CDKAL1: variants seen among roughly 807,000 people sequenced by gnomAD.
CDKAL1 encodes the protein CDKAL1 threonylcarbamoyladenosine tRNA methylthiotransferase.
CDKAL1 carries 32 observed loss-of-function variants against 68.2 expected under a neutral mutation model. That is an observed-to-expected ratio of 0.47 (90% CI 0.35 to 0.63). The LOEUF is 0.63. Ranked by LOEUF, CDKAL1 falls within the 30% of genes least tolerant of loss-of-function variation. CDKAL1 has a pLI of 0.00. For synonymous variants in CDKAL1, 234 were observed against 244.3 expected (o/e 0.96, Z 0.39); for missense variants, 606 against 696.7 (o/e 0.87, Z 1.47).
intron 4 of CDKAL1, among the ~76,000 whole-genome samples, chr6:20,619,798 G>A (rs1767094529): frequency 6.6e-6 from 1 of 152,112 alleles, no homozygotes; most frequent in Admixed American, 6.5e-5. Context: ...GCACTTGTTT[G>A]TGAATTCACT....
intron 4 of CDKAL1, among the ~76,000 whole-genome samples, chr6:20,598,899 T>C (rs896615723): frequency 6.6e-6 from 1 of 152,138 alleles, no homozygotes; most frequent in Admixed American, 6.5e-5. Flanking sequence ...TAATGCTTTT[T>C]AGTCGGCCTA....
At chr6:21,117,009 G>A (rs1347940762) in intron 13 of CDKAL1, among the ~76,000 whole-genome samples, 1 of 151,986 alleles carries the variant, frequency 6.6e-6, no homozygotes, top group African/African-American at 2.4e-5. Flanking sequence ...AGTTGCCCTG[G>A]GTATGTCCCT....
At chr6:21,049,920 A>G (rs1311385653) in intron 11 of CDKAL1, among the ~76,000 whole-genome samples, 1 of 151,614 alleles carries the variant, frequency 6.6e-6, no homozygotes, top group Non-Finnish European at 1.5e-5. Flanking sequence ...TAATAGTTGG[A>G]GTTTGTTGCA....
chr6:20,863,790 G>A (rs1759767424), intron 9 of CDKAL1, among the ~76,000 whole-genome samples: 1 of 152,178 alleles, frequency 6.6e-6, no homozygotes, highest in African/African-American at 2.4e-5. Context: ...TATTTGAAAT[G>A]AAGGGAATCA....
intron 12 of CDKAL1, among the ~76,000 whole-genome samples, chr6:21,102,667 A>C (rs1434148788): frequency 6.6e-6 from 1 of 152,174 alleles, no homozygotes; most frequent in East Asian, 1.9e-4. Context: ...TCTGTCGTGT[A>C]AACCAGTCCT....
At chr6:20,781,447 G>A (rs1460505828) in intron 8 of CDKAL1, among the ~76,000 whole-genome samples, 182 bp downstream of exon 8, 1 of 151,932 alleles carries the variant, frequency 6.6e-6, no homozygotes, top group Non-Finnish European at 1.5e-5. Flanking sequence ...ACTTATATTT[G>A]CAGCAGGCTT....
intron 10 of CDKAL1, among the ~76,000 whole-genome samples, chr6:20,992,299 G>A (rs1375842908): frequency 6.6e-6 from 1 of 151,586 alleles, no homozygotes; most frequent in Non-Finnish European, 1.5e-5. Flanking sequence ...TCAAACTCCT[G>A]ACCTCAAGTG....
intron 15 of CDKAL1, among the ~76,000 whole-genome samples, chr6:21,206,657 C>A (rs1261579950): frequency 6.6e-6 from 1 of 152,062 alleles, no homozygotes; most frequent in Non-Finnish European, 1.5e-5. Context: ...AGAGTAGCAT[C>A]GTGGAAGATT....
chr6:20,743,218 A>T (rs141209958), intron 6 of CDKAL1, among the ~76,000 whole-genome samples: 1 of 152,172 alleles, frequency 6.6e-6, no homozygotes, highest in Non-Finnish European at 1.5e-5. Flanking sequence ...CAAAATTTCT[A>T]TGATGGGAGG....
At chr6:20,983,236 G>T (rs1025788230) in intron 10 of CDKAL1, among the ~76,000 whole-genome samples, 6 of 152,146 alleles carry the variant, frequency 3.9e-5, no homozygotes, top group African/African-American at 9.7e-5. Flanking sequence ...AGACTGCAAA[G>T]ATCCCATTAA....
intron 8 of CDKAL1, among the ~76,000 whole-genome samples, chr6:20,832,482 A>C (rs898105918): frequency 2.0e-5 from 3 of 151,928 alleles, no homozygotes; most frequent in African/African-American, 7.3e-5. Flanking sequence ...TAAAAAAAAA[A>C]AAAAACAAAA....
At chr6:21,011,942 A>AT (rs1280212094) in intron 11 of CDKAL1, among the ~76,000 whole-genome samples, 1 of 152,000 alleles carries the variant, frequency 6.6e-6, no homozygotes, top group East Asian at 1.9e-4. Flanking sequence ...AAAATATGGC[A>AT]TAAAAAAAAA....
intron 7 of CDKAL1, among the ~76,000 whole-genome samples, chr6:20,765,072 A>G (rs115119944): frequency 2.2e-4 from 33 of 151,936 alleles, no homozygotes; most frequent in African/African-American, 4.6e-4. Flanking sequence ...TTATGAGTAT[A>G]GTAAAGTTAA....
chr6:21,188,426 T>C (rs1778102745), intron 13 of CDKAL1, among the ~76,000 whole-genome samples: 1 of 152,254 alleles, frequency 6.6e-6, no homozygotes, highest in South Asian at 2.1e-4. Context: ...TCTGAGAATC[T>C]GCTCTCAAAG....
intron 5 of CDKAL1, among the ~76,000 whole-genome samples, chr6:20,702,550 C>T (rs1406890510): frequency 6.6e-6 from 1 of 152,206 alleles, no homozygotes; most frequent in East Asian, 1.9e-4. Flanking sequence ...GGCCTTCCAA[C>T]TGCTCAGGCA....
chr6:20,705,892 T>C (rs999659460), intron 5 of CDKAL1, among the ~76,000 whole-genome samples: 19 of 152,194 alleles, frequency 1.2e-4, no homozygotes, highest in African/African-American at 4.1e-4. Context: ...TTGTCCTGTG[T>C]GGTGGGTCTG....
Position 20,722,905 on chromosome 6 carries a change from G to A in CDKAL1, c.372-16614G>A, listed in dbSNP as rs550599670. Among the ~76,000 whole-genome samples the A allele has an allele frequency of 2.0e-5, 3 of 152,230 alleles. No individual in the cohort carries two copies. In the South Asian group the frequency reaches 6.2e-4, roughly 32 times the overall value. On this transcript the variant is annotated intron_variant, in intron 5 of 15. Coordinates refer to ENST00000274695, the MANE Select transcript of CDKAL1 (RefSeq NM_017774.3). ...GTAGAGACAACCTGACTTTGGGGAA[G>A]ATGACCTGCGCTTCCCATCCCCTCT...
chr6:20,846,702 A>C (rs1204556454), intron 9 of CDKAL1, among the ~76,000 whole-genome samples: 1 of 152,224 alleles, frequency 6.6e-6, no homozygotes, highest in African/African-American at 2.4e-5. Flanking sequence ...AGGCCTAATG[A>C]GAATGATTTG....
In CDKAL1 at chr6:20,949,679, A is replaced by C. The variant is rs116806278; in HGVS notation, c.743-5740A>C. ...GCCTGGGAAATGCTTCTTTTCTCTCAGGGAAGACAAACCAATAATTATAAC... is the reference window on the plus strand; with the variant it reads ...GCCTGGGAAATGCTTCTTTTCTCTCCGGGAAGACAAACCAATAATTATAAC... On this transcript the variant is annotated intron_variant, in intron 9 of 15. Coordinates refer to ENST00000274695, the MANE Select transcript of CDKAL1 (RefSeq NM_017774.3). Among the ~76,000 whole-genome samples, 193 of 152,152 alleles carry C rather than the reference A, an allele frequency of 1.3e-3. 1 individual carries two copies. Among genetic ancestry groups the C allele is most frequent in the African/African-American group, 4.5e-3 (188 of 41,506 alleles).
Sources: allele counts gnomAD v4.1 joint callset (sites outside exome capture counted in the v4.1 genomes callset), GRCh38; gene constraint gnomAD v4.1.1; transcripts MANE v1.5; gene names NCBI Gene and HGNC (gene_info 2026-07-23, HGNC 2026-07-21).